CHCHD3: variants seen among roughly 807,000 people sequenced by gnomAD.
The protein encoded by CHCHD3 is coiled-coil-helix-coiled-coil-helix domain containing 3.
CHCHD3 carries 20 observed loss-of-function variants against 38.2 expected under a neutral mutation model. The observed-to-expected ratio is 0.52, with a 90% CI of 0.37 to 0.76. The LOEUF is 0.76. Among genes scored for constraint, CHCHD3 ranks in the 30% least tolerant of loss-of-function variants. CHCHD3 has a pLI of 0.00. For synonymous variants in CHCHD3, 82 were observed against 100.0 expected, an observed-to-expected ratio of 0.82 and a Z score of 1.07; for missense variants, 245 against 279.2, an observed-to-expected ratio of 0.88 and a Z score of 0.87.
rs1044449012 is a variant in CHCHD3 at position 132,976,242 on chromosome 7, C to G, written c.252-956G>C. On this transcript the variant is annotated intron_variant, in intron 3 of 7. Coordinates refer to ENST00000262570, the MANE Select transcript of CHCHD3 (RefSeq NM_017812.4). ...TCCTCACTTCTGGAATGACTCCAAT[C>G]GATCTGTTAGCTCCAAACTAAACCT... 3.3e-5 allele frequency among the ~76,000 whole-genome samples: 5 copies of G among 152,140 alleles called. No homozygotes were observed. In the South Asian group the frequency reaches 1.0e-3, roughly 32 times the overall value.
rs547472669 is a variant in CHCHD3, at chr7:132,907,982, C to T, written c.370-22237G>A. 1.5e-4 allele frequency among the ~76,000 whole-genome samples: 23 copies of T among 152,104 alleles called. No individual in the cohort carries two copies. The East Asian group carries it at 3.7e-3, about 24-fold the overall frequency. ...GTACAAGAATTAACACAATACATAC[C>T]ATGACTATGCCACAGAAAAATCTCC... On this transcript the variant is annotated intron_variant, in intron 4 of 7. Transcript: ENST00000262570.
chr7:133,081,108 A>T (rs942332968), intron 1 of CHCHD3, among the ~76,000 whole-genome samples: 1 of 152,206 alleles, frequency 6.6e-6, no homozygotes, highest in Admixed American at 6.5e-5. Context: ...CATTAAAAAA[A>T]AAGTGCTCTA....
chr7:132,932,032 T>C (rs965804801), intron 4 of CHCHD3, among the ~76,000 whole-genome samples: 10 of 152,162 alleles, frequency 6.6e-5, no homozygotes, highest in Admixed American at 2.6e-4. Context: ...TCCTGAATGA[T>C]GAATAGTTTA....
At chr7:132,900,308 T>C (rs946640273) in intron 4 of CHCHD3, among the ~76,000 whole-genome samples, 3 of 152,264 alleles carry the variant, frequency 2.0e-5, no homozygotes, top group Admixed American at 1.3e-4. Context: ...ATTTAACTTA[T>C]GCAAACTCAA....
intron 6 of CHCHD3, among the ~76,000 whole-genome samples, chr7:132,806,276 G>A (rs1253250236): frequency 6.6e-6 from 1 of 152,210 alleles, no homozygotes; most frequent in East Asian, 1.9e-4. Context: ...GAGAGCGTGA[G>A]GCAGAAGCCA....
intron 5 of CHCHD3, among the ~76,000 whole-genome samples, chr7:132,868,290 T>C (rs145079540): frequency 6.6e-6 from 1 of 152,304 alleles, no homozygotes; most frequent in East Asian, 1.9e-4. Context: ...AAAAAAATTA[T>C]TAGATGTTTA....
chr7:132,989,548 T>C (rs370488511), intron 3 of CHCHD3, among the ~76,000 whole-genome samples: 2 of 152,346 alleles, frequency 1.3e-5, no homozygotes, highest in South Asian at 4.1e-4. Flanking sequence ...CTAAAGTCCC[T>C]ATTTCAGTTC....
At chr7:132,873,181 C>T (rs902635407) in intron 5 of CHCHD3, among the ~76,000 whole-genome samples, 2 of 152,062 alleles carry the variant, frequency 1.3e-5, no homozygotes, top group African/African-American at 2.4e-5. Context: ...TAATAGTCCA[C>T]CACTGGTGAC....
intron 1 of CHCHD3, among the ~76,000 whole-genome samples, chr7:133,079,733 A>G (rs1480566032): frequency 1.3e-5 from 2 of 152,224 alleles, no homozygotes; most frequent in East Asian, 3.8e-4. Context: ...CAACTGAAAA[A>G]CATCTACAAA....
At chr7:132,949,471 T>TA (rs1810986444) in intron 4 of CHCHD3, among the ~76,000 whole-genome samples, 1 of 152,198 alleles carries the variant, frequency 6.6e-6, no homozygotes, top group African/African-American at 2.4e-5. Flanking sequence ...TTCCATCTTC[T>TA]AATGAGCCTA....
intron 4 of CHCHD3, among the ~76,000 whole-genome samples, chr7:132,936,031 G>C (rs937943314): frequency 1.3e-5 from 2 of 152,126 alleles, no homozygotes; most frequent in African/African-American, 4.8e-5. Context: ...CCATTCACGA[G>C]TGCACTGAGA....
At chr7:132,939,629 AC>A (rs1266534172) in intron 4 of CHCHD3, among the ~76,000 whole-genome samples, 1 of 152,168 alleles carries the variant, frequency 6.6e-6, no homozygotes, top group Non-Finnish European at 1.5e-5. Flanking sequence ...TTATGACTGT[AC>A]CAAACACTGT....
chr7:132,975,242 T>G lies in CHCHD3; in HGVS notation c.296A>C (p.Asn99Thr). 6.2e-7 allele frequency: 1 copy of G among 1,613,094 alleles called. No individual in the cohort carries two copies. The highest frequency in any genetic ancestry group is 1.3e-5 in the African/African-American group (1 of 75,022). ...AAGGATGGCTCTGGTTAACTGCTCA[T>G]TGGCAGCAGCCCTCTCTCGGTCCAG... ...KELDRERAAA[N>T]EQLTRAILRE... The change falls in exon 4 of 8, where the codon AAT becomes ACT. Residue 99 changes from asparagine (N) to threonine (T), a missense_variant. Asn to Thr is a moderately conservative substitution (Grantham distance 65). Transcript: ENST00000262570.
intron 3 of CHCHD3, among the ~76,000 whole-genome samples, chr7:133,009,076 C>T (rs1482154521): frequency 5.3e-5 from 8 of 151,740 alleles, no homozygotes; most frequent in Non-Finnish European, 7.4e-5. Context: ...ACTCAAAACG[C>T]ACAAGGGCTG....
At chr7:133,043,326 C>CT (rs762971299) in intron 2 of CHCHD3, among the ~76,000 whole-genome samples, 4 of 152,040 alleles carry the variant, frequency 2.6e-5, no homozygotes, top group Non-Finnish European at 5.9e-5. Context: ...ACAAAACTGA[C>CT]TTAACTGTTA....
intron 4 of CHCHD3, among the ~76,000 whole-genome samples, chr7:132,886,771 A>T (rs1012802058): frequency 6.6e-6 from 1 of 151,774 alleles, no homozygotes; most frequent in Non-Finnish European, 1.5e-5. Context: ...TAAAGTGTAT[A>T]CATTTCTTTA....
intron 4 of CHCHD3, among the ~76,000 whole-genome samples, chr7:132,966,900 T>C (rs1218419127): frequency 6.6e-6 from 1 of 152,218 alleles, no homozygotes; most frequent in Non-Finnish European, 1.5e-5. Flanking sequence ...GAGATTATGA[T>C]GTCAGTTCGA....
At position 132,954,622 on chromosome 7, in the gene CHCHD3, C is replaced by A. The variant is rs115910221; in HGVS notation, c.369+20547G>T. On this transcript the variant is annotated intron_variant, in intron 4 of 7. Coordinates refer to ENST00000262570, the MANE Select transcript of CHCHD3 (RefSeq NM_017812.4). ...TCAGCATCTCAACAAAAGACGGACT[C>A]TACAATGTTCAGAGACAAGGGGAGC... 7.8e-3 allele frequency among the ~76,000 whole-genome samples: 1,192 copies of A among 152,166 alleles called. 20 individuals are homozygous for A. The highest frequency in any genetic ancestry group is 0.027 in the African/African-American group (1,122 of 41,502).
chr7:132,919,100 CTTTT>C (rs5887600), intron 4 of CHCHD3, among the ~76,000 whole-genome samples: 3 of 69,492 alleles, frequency 4.3e-5, no homozygotes, highest in East Asian at 1.1e-3. Context: ...TGGGTTTATT[CTTTT>C]TTTTTTTTTT....
Sources: gnomAD v4.1 joint callset for allele counts (sites outside exome capture counted in the v4.1 genomes callset) on GRCh38, gnomAD v4.1.1 for gene constraint, MANE v1.5 for transcripts, NCBI Gene and HGNC (gene_info 2026-07-23, HGNC 2026-07-21) for gene names.